Variants in ATP9B observed in about 807,000 individuals in gnomAD.
The protein encoded by ATP9B is probable phospholipid-transporting ATPase IIB.
A neutral mutation model predicts 146.1 loss-of-function variants in ATP9B; 110 were observed. The ratio of observed to expected loss-of-function variants is 0.75; its 90% CI spans 0.65 to 0.88. The LOEUF (loss-of-function observed/expected upper bound fraction) is 0.88, where lower values mean the gene tolerates loss of function less well. Among genes scored for constraint, ATP9B ranks in the 40% least tolerant of loss-of-function variants. The pLI, the probability that ATP9B is intolerant of heterozygous loss-of-function variation, is 0.00. For synonymous variants in ATP9B, 604 were observed against 569.7 expected (o/e 1.06, Z -0.86); for missense variants, 1,499 against 1,496.4 (o/e 1.00, Z -0.03).
At chr18:79,299,581 T>C (rs925453551) in intron 13 of ATP9B, among the ~76,000 whole-genome samples, 7 of 152,222 alleles carry the variant, frequency 4.6e-5, no homozygotes, top group African/African-American at 7.2e-5. Flanking sequence ...CTCCCTGTTA[T>C]GCTGTGGGAT....
rs144916155 is a variant in ATP9B at position 79,195,466 on chromosome 18, A to C, written c.954+2203A>C. ...ATAAGTGGGAAGCAAATTTTCAATT[A>C]ATAAAAAATTTCTAAAAGCAAGGAA... On this transcript the variant is annotated intron_variant, in intron 9 of 29. Transcript: ENST00000426216. Among the ~76,000 whole-genome samples, 31 of 152,324 alleles carry C rather than the reference A, an allele frequency of 2.0e-4. 1 individual carries two copies. The East Asian group carries it at 6.0e-3, about 29-fold the overall frequency.
intron 15 of ATP9B, among the ~76,000 whole-genome samples, chr18:79,319,555 C>T (rs1182225610): frequency 6.6e-6 from 1 of 152,172 alleles, no homozygotes; most frequent in African/African-American, 2.4e-5. Flanking sequence ...CTTGCGTTGT[C>T]CTCCTCATTG....
At chr18:79,089,846 A>G (rs1351780977) in intron 1 of ATP9B, among the ~76,000 whole-genome samples, 3 of 152,162 alleles carry the variant, frequency 2.0e-5, no homozygotes, top group Admixed American at 1.3e-4. Context: ...TTGTTGTGCT[A>G]CTGAACACTG....
intron 13 of ATP9B, among the ~76,000 whole-genome samples, chr18:79,288,289 A>G (rs915755944): frequency 6.6e-6 from 1 of 151,044 alleles, no homozygotes; most frequent in Admixed American, 6.6e-5. Context: ...TGCTTTATGA[A>G]TCTGGGTGCT....
chr18:79,322,588 C>T (rs761645592), intron 15 of ATP9B, among the ~76,000 whole-genome samples: 39 of 152,198 alleles, frequency 2.6e-4, no homozygotes, highest in Non-Finnish European at 4.9e-4. Context: ...TCTAACAAAG[C>T]ATGAAAATTA....
intron 7 of ATP9B, among the ~76,000 whole-genome samples, chr18:79,160,313 A>G (rs376339183): frequency 6.6e-6 from 1 of 152,242 alleles, no homozygotes; most frequent in East Asian, 1.9e-4. Context: ...GTTCTGAAAC[A>G]GTTGCTTTTG....
At chr18:79,375,607 G>C (rs988096359) in intron 29 of ATP9B, 181 bp downstream of exon 29, 10 of 985,332 alleles carry the variant, frequency 1.0e-5, no homozygotes, top group African/African-American at 3.5e-5. Flanking sequence ...GAGTGCTGTT[G>C]GCTTGCCTGT....
intron 11 of ATP9B, among the ~76,000 whole-genome samples, chr18:79,246,019 GAC>G (rs2095954976): frequency 7.0e-5 from 9 of 128,834 alleles, no homozygotes; most frequent in African/African-American, 2.4e-4. Context: ...CCGCCCTACT[GAC>G]TGAGGAGGGC....
chr18:79,311,130 C>T (rs988595662), intron 15 of ATP9B, among the ~76,000 whole-genome samples: 3 of 149,388 alleles, frequency 2.0e-5, no homozygotes, highest in African/African-American at 5.0e-5. Context: ...CCAGCCTGGG[C>T]GACAGAGCAA....
chr18:79,172,215 G>C (rs376123166), intron 7 of ATP9B, among the ~76,000 whole-genome samples: 31 of 143,082 alleles, frequency 2.2e-4, no homozygotes, highest in Admixed American at 2.8e-4. Context: ...CCCCGCCCTT[G>C]CGATCCGCCT....
chr18:79,326,607 G>A (rs2096748494), intron 15 of ATP9B, among the ~76,000 whole-genome samples: 1 of 152,010 alleles, frequency 6.6e-6, no homozygotes, highest in Admixed American at 6.6e-5. Context: ...CATGGTGTTC[G>A]GTTTCATCTC....
chr18:79,364,027 G>A (rs1021904104), intron 26 of ATP9B: 1 of 152,206 alleles, frequency 6.6e-6, no homozygotes, highest in African/African-American at 2.4e-5. Flanking sequence ...CAGCACTTTG[G>A]GAGGCCGAGA....
intron 8 of ATP9B, among the ~76,000 whole-genome samples, chr18:79,180,632 C>T (rs776405339): frequency 2.3e-4 from 35 of 152,078 alleles, no homozygotes; most frequent in Non-Finnish European, 4.3e-4. Flanking sequence ...TGTTTGTTTA[C>T]CTGTTCTGAG....
At chr18:79,312,544 G>A (rs550393962) in intron 15 of ATP9B, among the ~76,000 whole-genome samples, 84 of 152,252 alleles carry the variant, frequency 5.5e-4, no homozygotes, top group Non-Finnish European at 1.1e-3. Flanking sequence ...CCGTGTTTTC[G>A]CAGGTTCTGA....
chr18:79,128,077 T>TG (rs1183222536), intron 5 of ATP9B, among the ~76,000 whole-genome samples: 3 of 133,648 alleles, frequency 2.2e-5, no homozygotes, highest in Non-Finnish European at 4.8e-5. Flanking sequence ...TTTTTTTTTT[T>TG]GAGACGGAGT....
intron 8 of ATP9B, among the ~76,000 whole-genome samples, chr18:79,189,199 C>T (rs1444535964): frequency 6.6e-6 from 1 of 151,928 alleles, no homozygotes; most frequent in Non-Finnish European, 1.5e-5. Flanking sequence ...ATATAAAAAT[C>T]ATCCGGGCGT....
At chr18:79,315,527 A>G (rs776596017) in intron 15 of ATP9B, among the ~76,000 whole-genome samples, 5 of 152,246 alleles carry the variant, frequency 3.3e-5, no homozygotes, top group South Asian at 2.1e-4. Context: ...ATTATGATGT[A>G]CAAAGTGCAT....
chr18:79,345,284 T>A, intron 21 of ATP9B, 144 bp from the exon 22 acceptor site: 5 of 992,404 alleles, frequency 5.0e-6, no homozygotes, highest in Non-Finnish European at 7.5e-6. Flanking sequence ...GTGAGTCCTG[T>A]GAAATGATTC....
chr18:79,231,801 T>C lies in ATP9B; in HGVS notation c.1107+17763T>C, dbSNP rs200638268. Among the ~76,000 whole-genome samples the C allele has an allele frequency of 4.7e-3, 460 of 98,046 alleles. 2 individuals carry two copies. Among genetic ancestry groups the C allele is most frequent in the African/African-American group, 0.011 (301 of 26,850 alleles). 64.3% of individuals were successfully genotyped at this position (98,046 alleles called of 152,430 possible). ...GTGTATATATATATATATATATATA[T>C]ATACACACACACACCATGGAATACT... On this transcript the variant is annotated intron_variant, in intron 11 of 29. Coordinates refer to ENST00000426216, the MANE Select transcript of ATP9B (RefSeq NM_198531.5).
Sources: allele counts gnomAD v4.1 joint callset (sites outside exome capture counted in the v4.1 genomes callset), GRCh38; gene constraint gnomAD v4.1.1; transcripts MANE v1.5; gene names NCBI Gene and HGNC (gene_info 2026-07-23, HGNC 2026-07-21).